CCDC63: variants seen among roughly 807,000 people sequenced by gnomAD.
CCDC63 encodes the protein coiled-coil domain containing 63, also known as coiled-coil domain-containing protein 63.
In CCDC63, 54 loss-of-function variants were observed where a neutral mutation model predicts 63.6. The observed-to-expected ratio is 0.85, with a 90% CI of 0.68 to 1.07. CCDC63 has a LOEUF of 1.07. CCDC63 is among the 50% of genes least tolerant of loss of function. The pLI is 0.00. For missense variants in CCDC63, 637 were observed against 689.6 expected, an observed-to-expected ratio of 0.92 and a Z score of 0.86; for synonymous variants, 253 against 266.1, an observed-to-expected ratio of 0.95 and a Z score of 0.48.
intron 10 of CCDC63, among the ~76,000 whole-genome samples, chr12:110,901,296 C>G (rs190054803): frequency 6.6e-6 from 1 of 152,114 alleles, no homozygotes; most frequent in Non-Finnish European, 1.5e-5. Context: ...CAATTATACT[C>G]TTTTAGTTAT....
chr12:110,894,351 C>CA (rs936429234), intron 9 of CCDC63, among the ~76,000 whole-genome samples: 2 of 152,196 alleles, frequency 1.3e-5, no homozygotes, highest in Non-Finnish European at 2.9e-5. Flanking sequence ...TAGTTGGTCA[C>CA]ATTGCCACCC....
chr12:110,868,768 A>AGGGAGG (rs1268376027), intron 4 of CCDC63, among the ~76,000 whole-genome samples: 6 of 33,140 alleles, frequency 1.8e-4, no homozygotes, highest in African/African-American at 6.1e-4. Context: ...GGGGAGGGGG[A>AGGGAGG]GGGAGAGGGA....
chr12:110,867,607 G>A (rs1403826231), intron 4 of CCDC63, among the ~76,000 whole-genome samples: 7 of 136,428 alleles, frequency 5.1e-5, no homozygotes, highest in African/African-American at 1.7e-4. Flanking sequence ...CAGACGGGGC[G>A]GCTGGCCGGG....
chr12:110,903,895 A>G (rs1592791897), intron 10 of CCDC63, among the ~76,000 whole-genome samples: 1 of 152,296 alleles, frequency 6.6e-6, no homozygotes, highest in East Asian at 1.9e-4. Context: ...GGGGCTCCCA[A>G]TTTTTAGTGT....
At chr12:110,872,810 G>A (rs2071083676) in intron 4 of CCDC63, among the ~76,000 whole-genome samples, 1 of 152,138 alleles carries the variant, frequency 6.6e-6, no homozygotes, top group African/African-American at 2.4e-5. Flanking sequence ...TTTTTCTGTA[G>A]AGATAGGGGT....
At chr12:110,904,923 T>A (rs1327577437) in intron 11 of CCDC63, 132 bp downstream of exon 11, 2 of 615,164 alleles carry the variant, frequency 3.3e-6, no homozygotes, top group African/African-American at 1.9e-5. Context: ...TGAGCTCTTG[T>A]GGCCTGCCAG....
chr12:110,868,002 C>T (rs1478583850), intron 4 of CCDC63, among the ~76,000 whole-genome samples: 21 of 147,686 alleles, frequency 1.4e-4, no homozygotes, highest in Admixed American at 9.3e-4. Context: ...AGAGGGTCTC[C>T]TCACTTCTCA....
intron 1 of CCDC63, among the ~76,000 whole-genome samples, chr12:110,848,985 C>G (rs1156596412): frequency 2.9e-4 from 44 of 152,200 alleles, no homozygotes; most frequent in Admixed American, 2.9e-3. Context: ...AGCTTCTACT[C>G]CTACCTGGAG....
intron 4 of CCDC63, among the ~76,000 whole-genome samples, chr12:110,858,990 C>A (rs564714557): frequency 1.3e-5 from 2 of 152,192 alleles, no homozygotes; most frequent in African/African-American, 4.8e-5. Flanking sequence ...ATCCCTCCGC[C>A]GTGCTCCCCA....
At chr12:110,876,491 G>A (rs2071131861) in intron 5 of CCDC63, among the ~76,000 whole-genome samples, 1 of 152,142 alleles carries the variant, frequency 6.6e-6, no homozygotes, top group Non-Finnish European at 1.5e-5. Flanking sequence ...CTTCTGCTCA[G>A]GCTTGTGGAA....
In CCDC63 at chr12:110,856,039, C is replaced by T. The variant is rs141166176; in HGVS notation, c.179+2465C>T. ...TGGCCTTGCCTGCAAGACAGACACACCTTCCTTTTGCTTTTACCAACCCTC... is the reference window on the plus strand; with the variant it reads ...TGGCCTTGCCTGCAAGACAGACACATCTTCCTTTTGCTTTTACCAACCCTC... On this transcript the variant is annotated intron_variant, in intron 3 of 11. Coordinates refer to ENST00000308208, the MANE Select transcript of CCDC63 (RefSeq NM_152591.3). 1.2e-3 allele frequency among the ~76,000 whole-genome samples: 181 copies of T among 152,142 alleles called. 1 individual carries two copies. Among genetic ancestry groups the T allele is most frequent in the African/African-American group, 3.9e-3 (162 of 41,516 alleles).
At chr12:110,877,519 C>T (rs2071146390) in intron 5 of CCDC63, among the ~76,000 whole-genome samples, 1 of 149,964 alleles carries the variant, frequency 6.7e-6, no homozygotes, top group Admixed American at 6.6e-5. Context: ...CGCCTAGCCC[C>T]AAATACAGTA....
Position 110,884,043 on chromosome 12 carries a change from G to T in CCDC63, c.867G>T (p.Lys289Asn), listed in dbSNP as rs1290150840. Reference protein sequence around the residue: ...QAKREEALKAKKHVKKNRGES... With the variant: ...QAKREEALKANKHVKKNRGES... ...TTCCTTTCCTAGCTCTCAAGGCAAAGAAGCATGTCAAGAAGAACAGGGGAG... is the reference window on the plus strand; with the variant it reads ...TTCCTTTCCTAGCTCTCAAGGCAAATAAGCATGTCAAGAAGAACAGGGGAG... The change falls in exon 8 of 12, where the codon AAG (lysine) becomes AAT (asparagine). Residue 289 changes from lysine (K) to asparagine (N), a missense_variant. Lys to Asn is a moderately conservative substitution (Grantham distance 94, BLOSUM62 0). Transcript: ENST00000308208. 2.5e-6 allele frequency: 4 copies of T among 1,613,878 alleles called. No homozygotes were observed. The highest frequency in any genetic ancestry group is 3.4e-6 in the Non-Finnish European group (4 of 1,179,794).
chr12:110,903,197 G>A (rs1197464703), intron 10 of CCDC63, among the ~76,000 whole-genome samples: 1 of 152,006 alleles, frequency 6.6e-6, no homozygotes, highest in African/African-American at 2.4e-5. Flanking sequence ...TTTTTAGTAA[G>A]ACAGGGTTTC....
At chr12:110,882,264 T>C (rs1235530458) in intron 7 of CCDC63, among the ~76,000 whole-genome samples, 3 of 151,690 alleles carry the variant, frequency 2.0e-5, no homozygotes, top group African/African-American at 7.3e-5. Context: ...GTAATCTCAG[T>C]GCTTTGGGAG....
intron 4 of CCDC63, among the ~76,000 whole-genome samples, chr12:110,862,411 T>C (rs2070867234): frequency 6.6e-6 from 1 of 152,164 alleles, no homozygotes; most frequent in Non-Finnish European, 1.5e-5. Context: ...GCAAAATAGT[T>C]AATAAGCCGA....
At position 110,884,033 on chromosome 12, in the gene CCDC63, T is replaced by A. The variant is rs2071243876; in HGVS notation, c.857T>A (p.Leu286His). The A allele has an allele frequency of 1.9e-6, 3 of 1,613,372 alleles. No homozygotes were observed. The highest frequency in any genetic ancestry group is 2.5e-6 in the Non-Finnish European group (3 of 1,179,528). ...TGGCTGATTTTTCCTTTCCTAGCTC[T>A]CAAGGCAAAGAAGCATGTCAAGAAG... ...FEEQAKREEA[L>H]KAKKHVKKNR... is the part of the protein sequence containing the mutation. Residue 286 changes from leucine (L) to histidine (H), a missense_variant, in exon 8 of 12, where the codon CTC (leucine) becomes CAC (histidine). By Grantham distance (99) the Leu-to-His change is moderately conservative (BLOSUM62 -3). Transcript: ENST00000308208.
Position 110,858,601 on chromosome 12 carries a change from C to T in CCDC63, c.195C>T (p.Thr65=), listed in dbSNP as rs1432035575. ...KIASQYKEIK[T]LKTEQDEITL... ...TTTCCAACAGCAAGGAGATCAAGAC[C>T]CTGAAGACAGAGCAGGATGAGATCA... Residue 65 remains threonine, a synonymous_variant, in exon 4 of 12, where the codon ACC becomes ACT. Transcript: ENST00000308208. 2 of 1,612,002 alleles carry T rather than the reference C, an allele frequency of 1.2e-6. No individual in the cohort carries two copies. The highest frequency in any genetic ancestry group is 1.7e-6 in the Non-Finnish European group (2 of 1,179,176).
At chr12:110,894,653 C>T (rs1459673407) in intron 9 of CCDC63, among the ~76,000 whole-genome samples, 1 of 152,172 alleles carries the variant, frequency 6.6e-6, no homozygotes, top group Non-Finnish European at 1.5e-5. Flanking sequence ...GGTCCAGGTC[C>T]ACGGAGACCC....
Sources: gnomAD v4.1 joint callset for allele counts (sites outside exome capture counted in the v4.1 genomes callset) on GRCh38, gnomAD v4.1.1 for gene constraint, MANE v1.5 for transcripts, NCBI Gene and HGNC (gene_info 2026-07-23, HGNC 2026-07-21) for gene names.